JAZF1: variants seen among roughly 807,000 people sequenced by gnomAD.
JAZF1 encodes the protein juxtaposed with another zinc finger protein 1.
A neutral mutation model predicts 26.4 loss-of-function variants in JAZF1; 8 were observed. The ratio of observed to expected loss-of-function variants is 0.30; its 90% CI spans 0.18 to 0.55. The LOEUF is 0.55. Ranked by LOEUF, JAZF1 falls within the 20% of genes least tolerant of loss-of-function variation. JAZF1 has a pLI of 0.94. For missense variants in JAZF1, 199 were observed against 322.0 expected, an observed-to-expected ratio of 0.62 and a Z score of 2.92; for synonymous variants, 126 against 122.3, an observed-to-expected ratio of 1.03 and a Z score of -0.20.
chr7:28,005,228 T>G (rs1782678195), intron 1 of JAZF1, among the ~76,000 whole-genome samples: 1 of 152,184 alleles, frequency 6.6e-6, no homozygotes, highest in Non-Finnish European at 1.5e-5. Flanking sequence ...TGGTTCAGAA[T>G]TTTCTGTAAG....
At chr7:28,164,789 T>C (rs1476572029) in intron 1 of JAZF1, among the ~76,000 whole-genome samples, 2 of 152,192 alleles carry the variant, frequency 1.3e-5, no homozygotes, top group Non-Finnish European at 2.9e-5. Flanking sequence ...CTAAAATCTA[T>C]GCAGATTTCA....
chr7:27,982,695 C>A (rs566475301), intron 2 of JAZF1, among the ~76,000 whole-genome samples: 2 of 152,148 alleles, frequency 1.3e-5, no homozygotes, highest in Non-Finnish European at 2.9e-5. Flanking sequence ...CTGGGAGACA[C>A]CTCCCAGTAG....
chr7:28,148,601 T>C (rs1165495613), intron 1 of JAZF1, among the ~76,000 whole-genome samples: 2 of 152,190 alleles, frequency 1.3e-5, no homozygotes, highest in African/African-American at 4.8e-5. Flanking sequence ...ACTTGACTTG[T>C]TATCATCAGA....
intron 1 of JAZF1, among the ~76,000 whole-genome samples, chr7:28,136,995 G>T (rs541812829): frequency 6.6e-6 from 1 of 152,174 alleles, no homozygotes; most frequent in Non-Finnish European, 1.5e-5. Flanking sequence ...TGCTTATGCC[G>T]TGCCAGACCC....
intron 1 of JAZF1, among the ~76,000 whole-genome samples, chr7:28,031,299 C>A (rs986316366): frequency 5.0e-4 from 76 of 152,254 alleles, no homozygotes; most frequent in African/African-American, 1.7e-3. Context: ...TTTCTGATGG[C>A]CATTTCTGCC....
At chr7:27,996,287 G>C (rs995277767) in intron 1 of JAZF1, among the ~76,000 whole-genome samples, 2 of 152,178 alleles carry the variant, frequency 1.3e-5, no homozygotes, top group African/African-American at 4.8e-5. Flanking sequence ...GCCTCTAAGG[G>C]CAATGTGCTA....
At chr7:27,889,566 G>C (rs1783933147) in intron 3 of JAZF1, among the ~76,000 whole-genome samples, 1 of 152,140 alleles carries the variant, frequency 6.6e-6, no homozygotes, top group Non-Finnish European at 1.5e-5. Flanking sequence ...AGAAAAAGAA[G>C]AAAATAATAT....
chr7:27,882,382 C>G (rs6945325), intron 3 of JAZF1, among the ~76,000 whole-genome samples: 42,612 of 151,856 alleles, frequency 0.28, 6,637 homozygotes, highest in African/African-American at 0.42. Flanking sequence ...AATCTTTGAT[C>G]TGATAAGATC....
intron 1 of JAZF1, among the ~76,000 whole-genome samples, chr7:28,012,595 G>T (rs1247897691): frequency 6.6e-6 from 1 of 152,218 alleles, no homozygotes; most frequent in African/African-American, 2.4e-5. Flanking sequence ...AGATAGGAGG[G>T]AAGAGGGAGT....
At chr7:27,935,834 C>T in intron 2 of JAZF1, among the ~76,000 whole-genome samples, 1 of 151,844 alleles carries the variant, frequency 6.6e-6, no homozygotes, top group Non-Finnish European at 1.5e-5. Flanking sequence ...CTCTTCTACC[C>T]AATTTTGAAG....
At chr7:27,939,693 T>C (rs1416507142) in intron 2 of JAZF1, among the ~76,000 whole-genome samples, 1 of 152,244 alleles carries the variant, frequency 6.6e-6, no homozygotes, top group Non-Finnish European at 1.5e-5. Flanking sequence ...ACAAGCCAAA[T>C]GCGACCTTGC....
chr7:27,965,563 T>C (rs1478217638), intron 2 of JAZF1, among the ~76,000 whole-genome samples: 4 of 152,340 alleles, frequency 2.6e-5, no homozygotes, highest in African/African-American at 9.6e-5. Context: ...AAATGTTATA[T>C]TTCTATATGA....
At chr7:28,092,725 T>C (rs1357862712) in intron 1 of JAZF1, among the ~76,000 whole-genome samples, 1 of 151,758 alleles carries the variant, frequency 6.6e-6, no homozygotes, top group Non-Finnish European at 1.5e-5. Flanking sequence ...CTGAGTGTAG[T>C]GACTTGTGCC....
chr7:28,023,305 C>T (rs1411988965), intron 1 of JAZF1, among the ~76,000 whole-genome samples: 1 of 152,172 alleles, frequency 6.6e-6, no homozygotes, highest in African/African-American at 2.4e-5. Flanking sequence ...AAGTAATTTC[C>T]CTTGCTAAGC....
At chr7:27,950,167 T>C (rs959312553) in intron 2 of JAZF1, among the ~76,000 whole-genome samples, 5 of 152,224 alleles carry the variant, frequency 3.3e-5, no homozygotes, top group Non-Finnish European at 7.3e-5. Context: ...AGACTATGTA[T>C]ATCAAAATAT....
intron 1 of JAZF1, among the ~76,000 whole-genome samples, chr7:28,116,563 G>C (rs1467359889): frequency 1.3e-5 from 2 of 151,872 alleles, no homozygotes; most frequent in Non-Finnish European, 2.9e-5. Flanking sequence ...TCCTGCCTCA[G>C]CCTCTGAGTA....
chr7:28,013,223 G>C (rs886665), intron 1 of JAZF1, among the ~76,000 whole-genome samples: 8,814 of 152,220 alleles, frequency 0.058, 858 homozygotes, highest in African/African-American at 0.2. Flanking sequence ...AGCTCCCTGG[G>C]GACAAGCCCC....
At chr7:27,943,514 C>T (rs531940278) in intron 2 of JAZF1, among the ~76,000 whole-genome samples, 10 of 152,290 alleles carry the variant, frequency 6.6e-5, no homozygotes, top group African/African-American at 1.9e-4. Context: ...CCCTCTTCCC[C>T]GACACCTCGG....
At chr7:28,050,309 G>C (rs1783590667) in intron 1 of JAZF1, among the ~76,000 whole-genome samples, 2 of 152,182 alleles carry the variant, frequency 1.3e-5, no homozygotes, top group African/African-American at 4.8e-5. Context: ...CAGAAAGTAG[G>C]CTAGTGGTTA....
Sources: gnomAD v4.1 joint callset for allele counts (sites outside exome capture counted in the v4.1 genomes callset) on GRCh38, gnomAD v4.1.1 for gene constraint, MANE v1.5 for transcripts, NCBI Gene and HGNC (gene_info 2026-07-23, HGNC 2026-07-21) for gene names.